ADAMTSL3: variants seen among roughly 807,000 people sequenced by gnomAD.
The protein encoded by ADAMTSL3 is ADAMTS-like protein 3.
A neutral mutation model predicts 201.7 loss-of-function variants in ADAMTSL3; 128 were observed. That is an observed-to-expected ratio of 0.63 (90% confidence interval 0.55 to 0.73). The LOEUF (loss-of-function observed/expected upper bound fraction) is 0.73. Ranked by LOEUF, ADAMTSL3 falls within the 30% of genes least tolerant of loss-of-function variation. The probability of loss-of-function intolerance (pLI) is 0.00; values close to 1 mark genes in which losing one functional copy is unlikely to be tolerated. For missense variants in ADAMTSL3, 1,990 were observed against 2,119.6 expected, an observed-to-expected ratio of 0.94 and a Z score of 1.20; for synonymous variants, 738 against 748.4, an observed-to-expected ratio of 0.99 and a Z score of 0.23.
chr15:83,723,278 A>G (rs2062126680), intron 3 of ADAMTSL3, among the ~76,000 whole-genome samples: 2 of 152,160 alleles, frequency 1.3e-5, no homozygotes, highest in South Asian at 4.1e-4. Context: ...AATTACTTTC[A>G]AAAAAAGAAG....
intron 3 of ADAMTSL3, among the ~76,000 whole-genome samples, chr15:83,758,352 T>G (rs2062753495): frequency 1.3e-5 from 2 of 152,074 alleles, no homozygotes; most frequent in Non-Finnish European, 2.9e-5. Flanking sequence ...GCGGGGAAAA[T>G]CCCCTTTATA....
At chr15:83,751,369 C>T (rs1325230513) in intron 3 of ADAMTSL3, among the ~76,000 whole-genome samples, 3 of 152,018 alleles carry the variant, frequency 2.0e-5, no homozygotes, top group African/African-American at 7.3e-5. Flanking sequence ...GAAGCAGAGC[C>T]CAAATTAATA....
chr15:83,865,067 G>A (rs1191605945), intron 8 of ADAMTSL3, among the ~76,000 whole-genome samples: 3 of 152,054 alleles, frequency 2.0e-5, no homozygotes, highest in Admixed American at 2.0e-4. Flanking sequence ...GGACATGAAG[G>A]ACCTCTTCAA....
rs28504011 is a variant in ADAMTSL3, at chr15:83,804,753, A to G, written c.363+58A>G. Reference sequence around the variant, plus strand: ...ACAATATGTGCTTGTTTTAAGTTACAATATTCCAATGTGTACTCTAAAACT... The same window carrying G: ...ACAATATGTGCTTGTTTTAAGTTACGATATTCCAATGTGTACTCTAAAACT... On this transcript the variant is annotated intron_variant, in intron 5 of 29. Coordinates refer to ENST00000286744, the MANE Select transcript of ADAMTSL3 (RefSeq NM_207517.3). 0.1 allele frequency: 132,635 copies of G among 1,331,686 alleles called. 10,188 individuals are homozygous for G. The highest frequency in any genetic ancestry group is 0.29 in the African/African-American group (19,039 of 66,708). The allele number at this position is 1,331,686 out of a possible 1,614,324, so 82.5% of individuals were successfully genotyped here.
Position 83,892,676 on chromosome 15 carries a change from C to T in ADAMTSL3, c.1263-8C>T. ...TAAATAATATAATTTTATTTGTTTG[C>T]TTTTGAGCTGGGAACATAATCCTTG... On this transcript the variant is annotated splice_polypyrimidine_tract_variant and splice_region_variant and intron_variant, in intron 12 of 29. Coordinates refer to ENST00000286744, the MANE Select transcript of ADAMTSL3 (RefSeq NM_207517.3). 1.2e-6 allele frequency: 2 copies of T among 1,609,640 alleles called. No homozygotes were observed. The highest frequency in any genetic ancestry group is 8.5e-7 in the Non-Finnish European group (1 of 1,177,852).
At chr15:83,709,366 T>C (rs959814233) in intron 3 of ADAMTSL3, among the ~76,000 whole-genome samples, 11 of 152,194 alleles carry the variant, frequency 7.2e-5, no homozygotes, top group African/African-American at 2.7e-4. Context: ...AATGTATTAG[T>C]TTGGGACGAC....
chr15:84,002,613 C>T (rs2067812030), intron 23 of ADAMTSL3, among the ~76,000 whole-genome samples: 5 of 152,060 alleles, frequency 3.3e-5, no homozygotes. Flanking sequence ...ATGGGTAAAC[C>T]AATGGTTTTC....
intron 3 of ADAMTSL3, among the ~76,000 whole-genome samples, chr15:83,712,216 A>C (rs1391518929): frequency 6.6e-6 from 1 of 152,120 alleles, no homozygotes; most frequent in African/African-American, 2.4e-5. Context: ...GTGGCCTTTT[A>C]TGACTTGCTT....
chr15:83,742,238 T>C (rs2062468670), intron 3 of ADAMTSL3, among the ~76,000 whole-genome samples: 1 of 152,118 alleles, frequency 6.6e-6, no homozygotes, highest in Non-Finnish European at 1.5e-5. Context: ...GCCAGCAGTA[T>C]TGAATCAAAG....
In ADAMTSL3 at chr15:83,704,962, G is replaced by GT. The variant is rs1287727871; in HGVS notation, c.189+455dup. On this transcript the variant is annotated intron_variant, in intron 3 of 29. Transcript: ENST00000286744. ...TGAATGCCTGTGTGTGCATATGTCT[G>GT]TGAGTGTGTGTGTGTGTGTGTGTGT... Among the ~76,000 whole-genome samples the GT allele has an allele frequency of 2.8e-5, 3 of 106,564 alleles. No individual in the cohort carries two copies. The East Asian group carries it at 8.8e-4, about 31-fold the overall frequency. The allele number at this position is 106,564 out of a possible 152,430, so 69.9% of individuals were successfully genotyped here.
chr15:83,998,002 C>T (rs1300017937), intron 23 of ADAMTSL3, among the ~76,000 whole-genome samples: 1 of 151,712 alleles, frequency 6.6e-6, no homozygotes, highest in Admixed American at 6.6e-5. Context: ...AGAGTCCTCA[C>T]CTAGTATTGG....
At chr15:83,726,117 T>C (rs1247204846) in intron 3 of ADAMTSL3, among the ~76,000 whole-genome samples, 1 of 152,136 alleles carries the variant, frequency 6.6e-6, no homozygotes, top group Non-Finnish European at 1.5e-5. Context: ...TTCATTTCTT[T>C]GGTTAAGTTT....
intron 3 of ADAMTSL3, among the ~76,000 whole-genome samples, chr15:83,714,864 C>CTTT (rs2061988466): frequency 2.4e-5 from 2 of 82,342 alleles, no homozygotes; most frequent in Admixed American, 3.0e-4. Flanking sequence ...CTCCCTCCCT[C>CTTT]CCTCCCTCCC....
chr15:83,755,036 AT>A (rs1485416281), intron 3 of ADAMTSL3, among the ~76,000 whole-genome samples: 1 of 152,140 alleles, frequency 6.6e-6, no homozygotes, highest in Non-Finnish European at 1.5e-5. Context: ...CCTGTTATTT[AT>A]TCAAAGTTTA....
rs1332225970 is a variant in ADAMTSL3 at position 83,833,878 on chromosome 15, A to AGTTTT, written c.601-4195_601-4191dup. On this transcript the variant is annotated intron_variant, in intron 6 of 29. Transcript: ENST00000286744. ...AGCAACTATGTATAAACATGTCGGA[A>AGTTTT]GTTTTGTTTTGTTTTGTTTTTGTTT... 5.9e-5 allele frequency among the ~76,000 whole-genome samples: 9 copies of AGTTTT among 152,310 alleles called. No homozygotes were observed. The South Asian group carries it at 6.2e-4, about 11-fold the overall frequency.
chr15:83,996,130 T>C lies in ADAMTSL3; in HGVS notation c.3973+4916T>C, dbSNP rs548989555. ...TAAAATATGAACATATTTTTAAAAATCATAAAATATAAGAGATGTCTTTAT... is the reference window on the plus strand; with the variant it reads ...TAAAATATGAACATATTTTTAAAAACCATAAAATATAAGAGATGTCTTTAT... On this transcript the variant is annotated intron_variant, in intron 23 of 29. Transcript: ENST00000286744. Among the ~76,000 whole-genome samples the C allele has an allele frequency of 7.9e-5, 12 of 152,124 alleles. No individual in the cohort carries two copies. In the East Asian group the frequency reaches 2.3e-3, roughly 29 times the overall value.
At chr15:83,786,317 T>G (rs948866115) in intron 4 of ADAMTSL3, among the ~76,000 whole-genome samples, 1 of 152,184 alleles carries the variant, frequency 6.6e-6, no homozygotes, top group Non-Finnish European at 1.5e-5. Context: ...GTGGAGTTCT[T>G]TGTTTATTTT....
chr15:83,971,645 G>A (rs2067199296), intron 20 of ADAMTSL3, among the ~76,000 whole-genome samples: 1 of 150,826 alleles, frequency 6.6e-6, no homozygotes, highest in Non-Finnish European at 1.5e-5. Flanking sequence ...AGCCATGACA[G>A]CAATTGAAAA....
At chr15:83,743,718 C>T (rs1189812635) in intron 3 of ADAMTSL3, among the ~76,000 whole-genome samples, 3 of 151,476 alleles carry the variant, frequency 2.0e-5, no homozygotes, top group African/African-American at 2.4e-5. Flanking sequence ...ACACTGTGCC[C>T]GAAGATATGA....
Sources: gnomAD v4.1 joint callset for allele counts (sites outside exome capture counted in the v4.1 genomes callset) on GRCh38, gnomAD v4.1.1 for gene constraint, MANE v1.5 for transcripts, NCBI Gene and HGNC (gene_info 2026-07-23, HGNC 2026-07-21) for gene names.